DNM3: variants seen among roughly 807,000 people sequenced by gnomAD.
The protein encoded by DNM3 is dynamin-3.
Under a neutral mutation model 101.6 loss-of-function variants are expected in DNM3, and 47 were observed. That is an observed-to-expected ratio of 0.46 (90% confidence interval 0.37 to 0.59). The LOEUF (loss-of-function observed/expected upper bound fraction) is 0.59. Among genes scored for constraint, DNM3 ranks in the 20% least tolerant of loss-of-function variants. The pLI, the probability that DNM3 is intolerant of heterozygous loss-of-function variation, is 0.00. For synonymous variants in DNM3, 385 were observed against 387.9 expected (o/e 0.99, Z 0.09); for missense variants, 849 against 1,085.7 (o/e 0.78, Z 3.06).
intron 13 of DNM3, among the ~76,000 whole-genome samples, chr1:172,095,729 G>C (rs1384187729): frequency 1.3e-5 from 2 of 152,104 alleles, no homozygotes; most frequent in Non-Finnish European, 2.9e-5. Context: ...TTGTTGTGCA[G>C]CATCTGTTCT....
intron 14 of DNM3, chr1:172,139,336 C>T: frequency 6.2e-6 from 1 of 162,288 alleles, no homozygotes; most frequent in Non-Finnish European, 1.3e-5. Flanking sequence ...TAGATAAGTA[C>T]CATAACCTTG....
chr1:172,279,108 G>A (rs975314286), intron 15 of DNM3, among the ~76,000 whole-genome samples: 2 of 152,130 alleles, frequency 1.3e-5, no homozygotes, highest in Non-Finnish European at 2.9e-5. Context: ...TTTGGAGGGA[G>A]CAATTATTTT....
rs547467673 is a variant in DNM3 at position 171,928,668 on chromosome 1, A to G, written c.235+6847A>G. On this transcript the variant is annotated intron_variant, in intron 2 of 20. Coordinates refer to ENST00000627582, the MANE Select transcript of DNM3 (RefSeq NM_015569.5). ...TCATTAGTCTGAGGGTAGCAAGGGT[A>G]GTTCCACTGCAGAGGCAGTGGCAGA... is the stretch of plus-strand genomic sequence containing the variant. Among the ~76,000 whole-genome samples the G allele has an allele frequency of 2.0e-5, 3 of 152,238 alleles. No homozygotes were observed. In the South Asian group the frequency reaches 6.2e-4, roughly 32 times the overall value.
chr1:172,241,239 ATG>A (rs1262155821), intron 14 of DNM3, among the ~76,000 whole-genome samples: 130 of 148,422 alleles, frequency 8.8e-4, no homozygotes, highest in African/African-American at 2.0e-3. Flanking sequence ...ATATACATAG[ATG>A]TGTGTGTGTG....
chr1:171,934,319 T>A lies in DNM3; in HGVS notation c.235+12498T>A, dbSNP rs537972123. On this transcript the variant is annotated intron_variant, in intron 2 of 20. Coordinates refer to ENST00000627582, the MANE Select transcript of DNM3 (RefSeq NM_015569.5). ...TATAGATTTCTTATTTAAGCATCCT[T>A]GCATTCCTAAGATATACTTGATTAT... 2.0e-5 allele frequency among the ~76,000 whole-genome samples: 3 copies of A among 152,370 alleles called. No homozygotes were observed. The East Asian group carries it at 5.8e-4, about 29-fold the overall frequency.
intron 15 of DNM3, among the ~76,000 whole-genome samples, chr1:172,295,717 T>G (rs2064131952): frequency 6.6e-6 from 1 of 152,190 alleles, no homozygotes. Flanking sequence ...AAACTAAGGC[T>G]AAGCACACAG....
chr1:171,937,983 A>G (rs1287051337), intron 2 of DNM3, among the ~76,000 whole-genome samples: 1 of 150,696 alleles, frequency 6.6e-6, no homozygotes, highest in Non-Finnish European at 1.5e-5. Context: ...AAATTCTCTC[A>G]CTATTGTTTT....
intron 17 of DNM3, among the ~76,000 whole-genome samples, chr1:172,377,034 C>A (rs6676665): frequency 0.7 from 106,998 of 151,834 alleles, 40,649 homozygotes; most frequent in East Asian, 0.88. Context: ...TCATATTCCT[C>A]GAGGTGAATG....
At chr1:171,919,396 A>G (rs1464404524) in intron 1 of DNM3, among the ~76,000 whole-genome samples, 5 of 152,148 alleles carry the variant, frequency 3.3e-5, no homozygotes, top group Non-Finnish European at 7.3e-5. Flanking sequence ...TATGAGTGAG[A>G]ACATGCGGTG....
At chr1:172,294,773 C>CACGG (rs573444695) in intron 15 of DNM3, among the ~76,000 whole-genome samples, 2 of 151,938 alleles carry the variant, frequency 1.3e-5, no homozygotes, top group African/African-American at 2.4e-5. Flanking sequence ...ATTAGCCAGG[C>CACGG]TGGGACTGCA....
intron 14 of DNM3, among the ~76,000 whole-genome samples, chr1:172,237,175 A>G (rs1338871053): frequency 2.6e-5 from 4 of 152,174 alleles, no homozygotes; most frequent in African/African-American, 9.7e-5. Context: ...GTTCCTTATT[A>G]AAATAGTACT....
At chr1:172,298,258 G>T (rs1344797822) in intron 15 of DNM3, among the ~76,000 whole-genome samples, 6 of 151,972 alleles carry the variant, frequency 3.9e-5, no homozygotes, top group Admixed American at 3.9e-4. Context: ...CTGACTGTTA[G>T]CTTCTTTAGG....
At chr1:172,343,996 T>C (rs1028009307) in intron 17 of DNM3, among the ~76,000 whole-genome samples, 3 of 152,208 alleles carry the variant, frequency 2.0e-5, no homozygotes, top group South Asian at 2.1e-4. Flanking sequence ...CTGGTCAATT[T>C]GGAACGCAGT....
intron 11 of DNM3, 87 bp downstream of exon 11, chr1:172,068,992 C>T: frequency 4.3e-6 from 5 of 1,172,954 alleles, no homozygotes; most frequent in Non-Finnish European, 6.1e-6. Flanking sequence ...CAACAGTCAG[C>T]CTGTCGCTTA....
chr1:172,308,527 A>AT (rs61449184), intron 15 of DNM3, among the ~76,000 whole-genome samples: 13,305 of 152,174 alleles, frequency 0.087, 744 homozygotes, highest in African/African-American at 0.15. Context: ...TTGTAATGTG[A>AT]TTTTTTAAAA....
chr1:172,377,542 T>C (rs1187562783), intron 17 of DNM3, among the ~76,000 whole-genome samples: 1 of 121,474 alleles, frequency 8.2e-6, no homozygotes, highest in Non-Finnish European at 1.7e-5. Context: ...TCTGCTCTCA[T>C]TGATATATAT....
intron 7 of DNM3, among the ~76,000 whole-genome samples, chr1:172,040,060 C>T (rs1420901273): frequency 6.6e-6 from 1 of 151,998 alleles, no homozygotes; most frequent in Non-Finnish European, 1.5e-5. Flanking sequence ...TAGGAGAGGA[C>T]CTTGTCATGT....
chr1:172,283,773 A>G (rs1348288852), intron 15 of DNM3, among the ~76,000 whole-genome samples: 1 of 148,530 alleles, frequency 6.7e-6, no homozygotes, highest in Non-Finnish European at 1.5e-5. Context: ...AAAAAAAAAA[A>G]AAAAAAAAAA....
At chr1:172,356,696 A>G (rs2067470075) in intron 17 of DNM3, among the ~76,000 whole-genome samples, 1 of 152,104 alleles carries the variant, frequency 6.6e-6, no homozygotes, top group Non-Finnish European at 1.5e-5. Context: ...ACAACACTGG[A>G]AGTACAGGAC....
Sources: gnomAD v4.1 joint callset for allele counts (sites outside exome capture counted in the v4.1 genomes callset) on GRCh38, gnomAD v4.1.1 for gene constraint, MANE v1.5 for transcripts, NCBI Gene and HGNC (gene_info 2026-07-23, HGNC 2026-07-21) for gene names.